The following AGTR1 variants were observed in gnomAD, a reference collection of about 807,000 sequenced individuals.
The protein encoded by AGTR1 is angiotensin II receptor type 1.
Under a neutral mutation model 19.4 loss-of-function variants are expected in AGTR1, and 16 were observed. The observed-to-expected ratio is 0.82, with a 90% CI of 0.56 to 1.25. AGTR1 has a LOEUF of 1.25. Ranked by LOEUF, AGTR1 falls within the 50% of genes most tolerant of loss-of-function variation. The probability of loss-of-function intolerance (pLI) is 0.00; values close to 1 mark genes in which losing one functional copy is unlikely to be tolerated. For synonymous variants in AGTR1, 153 were observed against 154.9 expected (o/e 0.99, Z 0.09); for missense variants, 373 against 431.9 (o/e 0.86, Z 1.21).
At chr3:148,705,382 A>C (rs1331980970) in intron 1 of AGTR1, among the ~76,000 whole-genome samples, 4 of 152,174 alleles carry the variant, frequency 2.6e-5, no homozygotes, top group African/African-American at 9.7e-5. Flanking sequence ...CATCAATTCA[A>C]ATGCTCCTGC....
intron 2 of AGTR1, among the ~76,000 whole-genome samples, chr3:148,725,795 T>C (rs914211910): frequency 1.3e-5 from 2 of 152,194 alleles, no homozygotes; most frequent in Admixed American, 6.5e-5. Context: ...AGACAGGTTC[T>C]CCCTGACCTG....
intron 2 of AGTR1, among the ~76,000 whole-genome samples, chr3:148,732,730 ATTTTTTTTTTTTTTT>A: frequency 9.1e-6 from 1 of 109,950 alleles, no homozygotes; most frequent in South Asian, 2.9e-4. Flanking sequence ...GCTTCGGAAA[ATTTTTTTTTTTTTTT>A]TTTTTTTTTT....
chr3:148,719,629 A>G (rs768253013), intron 2 of AGTR1, among the ~76,000 whole-genome samples: 1 of 152,268 alleles, frequency 6.6e-6, no homozygotes, highest in Non-Finnish European at 1.5e-5. Context: ...GAGCTCAGCG[A>G]TTGGATGGCT....
In AGTR1 at chr3:148,741,348, T is replaced by C; in HGVS notation, c.313T>C (p.Ser105Pro). ...TGGCAATTACCTATGTAAGATTGCTTCAGCCAGCGTCAGTTTCAACCTGTA... is the reference window on the plus strand; with the variant it reads ...TGGCAATTACCTATGTAAGATTGCTCCAGCCAGCGTCAGTTTCAACCTGTA... ...PFGNYLCKIA[S>P]ASVSFNLYAS... The change falls in exon 3 of 3, where the codon TCA becomes CCA. Residue 105 changes from serine to proline, a missense_variant. Ser to Pro is a moderately conservative substitution (Grantham distance 74, BLOSUM62 -1). Transcript: ENST00000349243. 1.2e-6 allele frequency: 2 copies of C among 1,606,358 alleles called. No individual in the cohort carries two copies. Among genetic ancestry groups the C allele is most frequent in the East Asian group, 2.2e-5 (1 of 44,870 alleles).
chr3:148,712,604 C>T (rs1713054755), intron 2 of AGTR1, among the ~76,000 whole-genome samples: 1 of 152,160 alleles, frequency 6.6e-6, no homozygotes, highest in Non-Finnish European at 1.5e-5. Context: ...TTGGCTGCCT[C>T]CTGGTCCCTC....
intron 1 of AGTR1, among the ~76,000 whole-genome samples, chr3:148,700,810 G>A (rs1712294576): frequency 6.6e-6 from 1 of 152,296 alleles, no homozygotes; most frequent in East Asian, 1.9e-4. Context: ...TTTCCAACAC[G>A]TGATGATTGG....
chr3:148,717,026 CA>C (rs1355022541), intron 2 of AGTR1, among the ~76,000 whole-genome samples: 1 of 152,120 alleles, frequency 6.6e-6, no homozygotes, highest in African/African-American at 2.4e-5. Flanking sequence ...GAGACTCTCC[CA>C]AGTGATCTAG....
chr3:148,717,944 A>C (rs574719822), intron 2 of AGTR1, among the ~76,000 whole-genome samples: 1 of 152,328 alleles, frequency 6.6e-6, no homozygotes, highest in Admixed American at 6.5e-5. Context: ...TACATAGAAA[A>C]CAATTTTTAA....
chr3:148,727,583 T>C (rs1446226052), intron 2 of AGTR1, among the ~76,000 whole-genome samples: 2 of 152,208 alleles, frequency 1.3e-5, no homozygotes, highest in Non-Finnish European at 2.9e-5. Context: ...TTCAGCCTTA[T>C]CTGTGCAGAA....
chr3:148,723,094 A>G (rs1392987826), intron 2 of AGTR1, among the ~76,000 whole-genome samples: 1 of 152,228 alleles, frequency 6.6e-6, no homozygotes, highest in Non-Finnish European at 1.5e-5. Context: ...TTAATCAGAA[A>G]TACTCCATAT....
intron 2 of AGTR1, among the ~76,000 whole-genome samples, chr3:148,730,814 G>T (rs1401861802): frequency 1.3e-5 from 2 of 152,142 alleles, no homozygotes; most frequent in African/African-American, 4.8e-5. Flanking sequence ...TGATGCTGAT[G>T]CTGTTGTTTC....
At chr3:148,715,332 A>T (rs1713234788) in intron 2 of AGTR1, among the ~76,000 whole-genome samples, 1 of 152,172 alleles carries the variant, frequency 6.6e-6, no homozygotes, top group Non-Finnish European at 1.5e-5. Flanking sequence ...GGTTGAAAAC[A>T]AGAAAATGAA....
At position 148,739,855 on chromosome 3, in the gene AGTR1, T is replaced by C. The variant is rs1800766; in HGVS notation, c.-47-1134T>C. 0.16 allele frequency: 197,334 copies of C among 1,231,686 alleles called. 16,303 individuals are homozygous for C. Among genetic ancestry groups the C allele is most frequent in the Middle Eastern group, 0.24 (774 of 3,212 alleles). 76.3% of individuals were successfully genotyped at this position (1,231,686 alleles called of 1,614,324 possible). On this transcript the variant is annotated intron_variant, in intron 2 of 2. Transcript: ENST00000349243. ...TGTTCATCTGGGGACCTGCTCCTGG[T>C]AGAGCAATAGGATCTGTGTGCCCAG...
At chr3:148,727,638 G>A (rs2107956507) in intron 2 of AGTR1, among the ~76,000 whole-genome samples, 1 of 152,280 alleles carries the variant, frequency 6.6e-6, no homozygotes, top group East Asian at 1.9e-4. Flanking sequence ...TTTCTAGAAT[G>A]ATCTAACACA....
At chr3:148,726,467 A>G (rs1713948768) in intron 2 of AGTR1, among the ~76,000 whole-genome samples, 1 of 152,140 alleles carries the variant, frequency 6.6e-6, no homozygotes, top group Non-Finnish European at 1.5e-5. Context: ...TTGGCCTCCC[A>G]AAGTGCTGGG....
At chr3:148,717,108 GT>G (rs1183313200) in intron 2 of AGTR1, among the ~76,000 whole-genome samples, 1 of 146,706 alleles carries the variant, frequency 6.8e-6, no homozygotes, top group Non-Finnish European at 1.5e-5. Context: ...CACACACGTG[GT>G]TTTTCTTATC....
intron 2 of AGTR1, among the ~76,000 whole-genome samples, chr3:148,728,371 C>T (rs1576534901): frequency 6.6e-6 from 1 of 152,118 alleles, no homozygotes; most frequent in African/African-American, 2.4e-5. Flanking sequence ...TATTATAAGT[C>T]CTTTCTGTTA....
At chr3:148,728,658 C>T (rs1714090240) in intron 2 of AGTR1, among the ~76,000 whole-genome samples, 1 of 152,154 alleles carries the variant, frequency 6.6e-6, no homozygotes, top group African/African-American at 2.4e-5. Flanking sequence ...GTAAATATTT[C>T]TCCGAGAGGT....
rs1045484388 is a variant in AGTR1 at position 148,716,769 on chromosome 3, T to G, written c.-48+8742T>G. 6.6e-6 allele frequency among the ~76,000 whole-genome samples: 1 copy of G among 152,188 alleles called. No homozygotes were observed. Among genetic ancestry groups the G allele is most frequent in the Non-Finnish European group, 1.5e-5 (1 of 68,024 alleles). On this transcript the variant is annotated intron_variant, in intron 2 of 2. Transcript: ENST00000349243. This position sits in a 1 kb window ranked among gnomAD's most constrained non-coding sequence, Gnocchi z 4.7. ...TGCATTTTAAGCAAGATTATGGTTT[T>G]TTCTTTGAGTTCTCTGAATTTGAAT...
Sources: allele counts gnomAD v4.1 joint callset (sites outside exome capture counted in the v4.1 genomes callset), GRCh38; gene constraint gnomAD v4.1.1; non-coding constraint Gnocchi (gnomAD v3.1); transcripts MANE v1.5; gene names NCBI Gene and HGNC (gene_info 2026-07-23, HGNC 2026-07-21).